CCT6B: variants seen among roughly 807,000 people sequenced by gnomAD.
CCT6B encodes the protein probable T-complex protein 1 subunit zeta-2.
In CCT6B, 49 loss-of-function variants were observed where a neutral mutation model predicts 61.5. That is an observed-to-expected ratio of 0.80 (90% CI 0.63 to 1.01). CCT6B has a LOEUF of 1.01. Among genes scored for constraint, CCT6B ranks in the 50% least tolerant of loss-of-function variants. CCT6B has a pLI of 0.00. For synonymous variants in CCT6B, 228 were observed against 214.5 expected, an observed-to-expected ratio of 1.06 and a Z score of -0.55; for missense variants, 666 against 634.7, an observed-to-expected ratio of 1.05 and a Z score of -0.53.
chr17:34,950,221 T>C (rs542428193), intron 5 of CCT6B, among the ~76,000 whole-genome samples: 68 of 152,262 alleles, frequency 4.5e-4, no homozygotes, highest in African/African-American at 1.6e-3. Flanking sequence ...AATAGTACTT[T>C]GAGAAAAATT....
Position 34,959,067 on chromosome 17 carries a change from A to G in CCT6B, c.202-373T>C, listed in dbSNP as rs1400191135. ...ATATTATTGATTTATAAGTATGCCTAAGTATACAAAGTATGTATAAGTATA... is the reference window on the plus strand; with the variant it reads ...ATATTATTGATTTATAAGTATGCCTGAGTATACAAAGTATGTATAAGTATA... On this transcript the variant is annotated intron_variant, in intron 2 of 13. Coordinates refer to ENST00000314144, the MANE Select transcript of CCT6B (RefSeq NM_006584.4). Among the ~76,000 whole-genome samples, 3 of 151,768 alleles carry G rather than the reference A, an allele frequency of 2.0e-5. 1 individual carries two copies. Among genetic ancestry groups the G allele is most frequent in the East Asian group, 1.9e-4 (1 of 5,192 alleles).
intron 9 of CCT6B, 110 bp from the exon 10 acceptor site, chr17:34,939,440 A>G (rs2090134216): frequency 5.2e-6 from 5 of 952,730 alleles, no homozygotes; most frequent in Non-Finnish European, 7.9e-6. Flanking sequence ...AAGCATAACT[A>G]AGGGAGTTAA....
intron 5 of CCT6B, among the ~76,000 whole-genome samples, chr17:34,948,823 A>C (rs1229230116): frequency 6.6e-6 from 1 of 151,628 alleles, no homozygotes; most frequent in African/African-American, 2.4e-5. Flanking sequence ...CCTCCAGCTC[A>C]GGAATTTGAG....
intron 3 of CCT6B, among the ~76,000 whole-genome samples, chr17:34,954,925 T>C (rs545361336): frequency 2.0e-5 from 3 of 152,310 alleles, no homozygotes; most frequent in Admixed American, 1.3e-4. Flanking sequence ...CACCACTGAA[T>C]TGGGGAAAAG....
intron 13 of CCT6B, 118 bp from the exon 14 acceptor site, chr17:34,928,235 A>G: frequency 1.8e-6 from 1 of 566,610 alleles, no homozygotes. Context: ...ATGATGTTTT[A>G]TGAGACAAGG....
chr17:34,955,179 G>A, intron 3 of CCT6B, among the ~76,000 whole-genome samples: 1 of 152,292 alleles, frequency 6.6e-6, no homozygotes. Context: ...AGCATAAAAG[G>A]CAGCTCAGGA....
intron 3 of CCT6B, among the ~76,000 whole-genome samples, chr17:34,956,415 C>A (rs753795501): frequency 1.3e-5 from 2 of 152,146 alleles, no homozygotes; most frequent in African/African-American, 2.4e-5. Flanking sequence ...CTACTTCAGG[C>A]TAGTTTAGGA....
rs535509158 is a variant in CCT6B, at chr17:34,935,134, A to G, written c.1214-2634T>C. Reference sequence around the variant, plus strand: ...GAATGAGCCTTGATGACACTATGCAAAGTGAAATAAGCCAGACAAAGGACA... The same window carrying G: ...GAATGAGCCTTGATGACACTATGCAGAGTGAAATAAGCCAGACAAAGGACA... On this transcript the variant is annotated intron_variant, in intron 10 of 13. Coordinates refer to ENST00000314144, the MANE Select transcript of CCT6B (RefSeq NM_006584.4). 4.6e-5 allele frequency among the ~76,000 whole-genome samples: 7 copies of G among 152,312 alleles called. No individual in the cohort carries two copies. In the South Asian group the frequency reaches 1.5e-3, roughly 32 times the overall value.
At chr17:34,936,355 T>A (rs956668545) in intron 10 of CCT6B, among the ~76,000 whole-genome samples, 1 of 152,166 alleles carries the variant, frequency 6.6e-6, no homozygotes, top group African/African-American at 2.4e-5. Flanking sequence ...TGGAGAAAGA[T>A]TGAATGCTTT....
Position 34,942,528 on chromosome 17 carries a change from CT to C in CCT6B, c.840del (p.Val281SerfsTer22). 1 of 1,602,906 alleles carries C rather than the reference CT, an allele frequency of 6.2e-7. No homozygotes were observed. The highest frequency in any genetic ancestry group is 8.5e-7 in the Non-Finnish European group (1 of 1,177,226). On this transcript the variant is annotated frameshift_variant, in exon 7 of 14. Coordinates refer to ENST00000314144, the MANE Select transcript of CCT6B (RefSeq NM_006584.4). LOFTEE classifies it high-confidence loss of function. Reference sequence around the variant, plus strand: ...AATCCTTTATTTGACTGAGCACAGACTTTGTCCTTCAGGTCTATTATTTTTT... The same window carrying C: ...AATCCTTTATTTGACTGAGCACAGACTTGTCCTTCAGGTCTATTATTTTTT... Reference protein sequence around the residue: ...RVQKIIDLKDKVCAQSNKGFV... With the variant: ...RVQKIIDLKDXVCAQSNKGFV...
intron 6 of CCT6B, 55 bp from the exon 7 acceptor site, chr17:34,942,698 T>C: frequency 1.3e-6 from 2 of 1,507,988 alleles, no homozygotes; most frequent in Middle Eastern, 1.8e-4. Flanking sequence ...GGAAAAAAGA[T>C]AGAAGTAGTC....
At chr17:34,936,316 T>C (rs954406453) in intron 10 of CCT6B, among the ~76,000 whole-genome samples, 2 of 152,248 alleles carry the variant, frequency 1.3e-5, no homozygotes, top group Middle Eastern at 3.4e-3. Flanking sequence ...CTCAACCTGA[T>C]AAAAACCTAT....
At chr17:34,956,474 C>G (rs2090348911) in intron 3 of CCT6B, among the ~76,000 whole-genome samples, 1 of 152,128 alleles carries the variant, frequency 6.6e-6, no homozygotes, top group African/African-American at 2.4e-5. Context: ...CCGGCTCTAT[C>G]ACTGCACCAC....
chr17:34,958,760 A>T, intron 2 of CCT6B, 66 bp from the exon 3 acceptor site: 1 of 1,299,856 alleles, frequency 7.7e-7, no homozygotes, highest in Non-Finnish European at 1.0e-6. Flanking sequence ...ACCAAAAGCA[A>T]GATAACCTAG....
chr17:34,929,012 A>T lies in CCT6B; in HGVS notation c.1473T>A (p.Asp491Glu). The T allele has an allele frequency of 6.2e-7, 1 of 1,609,228 alleles. No homozygotes were observed. Among genetic ancestry groups the T allele is most frequent in the Non-Finnish European group, 8.5e-7 (1 of 1,176,462 alleles). ...CACAATAATTATCCCAAACTCCTGC[A>T]TCTGCTGCTACCATTGGCTCACCTG... ...LNTGEPMVAA[D>E]AGVWDNYCVK... Residue 491 changes from aspartate to glutamate, a missense_variant, in exon 13 of 14, where the codon GAT becomes GAA. Physicochemically the swap from Asp to Glu is conservative, Grantham distance 45. Coordinates refer to ENST00000314144, the MANE Select transcript of CCT6B (RefSeq NM_006584.4).
Position 34,952,534 on chromosome 17 carries a change from G to A in CCT6B, c.511-481C>T, listed in dbSNP as rs566156626. ...AAACGTTAAAGTCTCATGTTTTATC[G>A]TGAAAAGTTTCCATGTCATCCCATA... On this transcript the variant is annotated intron_variant, in intron 4 of 13. Transcript: ENST00000314144. Among the ~76,000 whole-genome samples, 143 of 152,244 alleles carry A rather than the reference G, an allele frequency of 9.4e-4. 2 individuals are homozygous for A. Among genetic ancestry groups the A allele is most frequent in the Admixed American group, 6.3e-3 (96 of 15,280 alleles).
intron 5 of CCT6B, chr17:34,943,890 G>A (rs2090194964): frequency 6.6e-6 from 1 of 151,668 alleles, no homozygotes; most frequent in Admixed American, 6.6e-5. Context: ...ATTTGGAAAG[G>A]AGGTGTTTCT....
At position 34,942,887 on chromosome 17, in the gene CCT6B, A is replaced by T; in HGVS notation, c.634T>A (p.Leu212Met). 1 of 1,602,312 alleles carries T rather than the reference A, an allele frequency of 6.2e-7. No individual in the cohort carries two copies. Among genetic ancestry groups the T allele is most frequent in the South Asian group, 1.1e-5 (1 of 89,696 alleles). The change falls in exon 6 of 14, where the codon TTG becomes ATG. Residue 212 changes from leucine to methionine, a missense_variant. Coordinates refer to ENST00000314144, the MANE Select transcript of CCT6B (RefSeq NM_006584.4). ...TCTGGATGACGGGCACCATGATCCA[A>T]AACTAATCCTTGGATCAACCTATTA... ...TDTKLIQGLV[L>M]DHGARHPDMK...
In CCT6B at chr17:34,959,699, C is replaced by T. The variant is rs1246645005; in HGVS notation, c.138-49G>A. 2.3e-6 allele frequency: 3 copies of T among 1,291,030 alleles called. No individual in the cohort carries two copies. The African/African-American group carries it at 4.4e-5, about 19-fold the overall frequency. 80.0% of individuals were successfully genotyped at this position (1,291,030 alleles called of 1,614,324 possible). A position where few individuals can be genotyped will look rare whatever the true frequency, so the allele number is the denominator to read the frequency against. ...ACTTCATGTGGTAGGAAGACATTCC[C>T]AGTGCTTGCCACTCCATTATCCTTA... On this transcript the variant is annotated intron_variant, in intron 1 of 13. Coordinates refer to ENST00000314144, the MANE Select transcript of CCT6B (RefSeq NM_006584.4).
Sources: allele counts gnomAD v4.1 joint callset (sites outside exome capture counted in the v4.1 genomes callset), GRCh38; gene constraint gnomAD v4.1.1; transcripts MANE v1.5; gene names NCBI Gene and HGNC (gene_info 2026-07-23, HGNC 2026-07-21).